The following ERCC6L2 variants were observed in gnomAD, a reference collection of about 807,000 sequenced individuals.
ERCC6L2 encodes the protein ERCC excision repair 6 like 2, also known as DNA excision repair protein ERCC-6-like 2.
A neutral mutation model predicts 132.0 loss-of-function variants in ERCC6L2; 77 were observed. That is an observed-to-expected ratio of 0.58 (90% CI 0.49 to 0.71). The LOEUF (loss-of-function observed/expected upper bound fraction) is 0.71, where lower values mean the gene tolerates loss of function less well. Ranked by LOEUF, ERCC6L2 falls within the 30% of genes least tolerant of loss-of-function variation. ERCC6L2 has a pLI of 0.00. For missense variants in ERCC6L2, 1,542 were observed against 1,837.6 expected (o/e 0.84, Z 2.94); for synonymous variants, 583 against 632.4 (o/e 0.92, Z 1.17).
intron 12 of ERCC6L2, among the ~76,000 whole-genome samples, chr9:95,952,166 TAAAAAAAA>T (rs57310402): frequency 1.7e-5 from 1 of 57,738 alleles, no homozygotes; most frequent in African/African-American, 1.0e-4. Flanking sequence ...GACTCCATCT[TAAAAAAAA>T]AAAAAAAAAA....
At chr9:95,916,171 AAGTT>A (rs1196929759) in intron 5 of ERCC6L2, 52 bp from the exon 6 acceptor site, 1 of 1,479,180 alleles carries the variant, frequency 6.8e-7, no homozygotes, top group East Asian at 2.3e-5. Context: ...TAGAAGCAAG[AAGTT>A]AGTGTTTTTA....
At chr9:95,968,100 T>C (rs1335033112) in intron 14 of ERCC6L2, 1 of 152,160 alleles carries the variant, frequency 6.6e-6, no homozygotes, top group East Asian at 1.9e-4. Context: ...GCCACTGCAC[T>C]CCAGCCTGGG....
At chr9:95,948,039 A>G (rs184377915) in intron 12 of ERCC6L2, among the ~76,000 whole-genome samples, 1 of 152,096 alleles carries the variant, frequency 6.6e-6, no homozygotes, top group Non-Finnish European at 1.5e-5. Flanking sequence ...TTGACTTTGA[A>G]CTCTTATTAT....
chr9:96,000,887 G>C (rs1833646854), intron 17 of ERCC6L2, among the ~76,000 whole-genome samples: 1 of 152,210 alleles, frequency 6.6e-6, no homozygotes. Flanking sequence ...TGGTCTCACT[G>C]ACTTCAAGAA....
intron 12 of ERCC6L2, among the ~76,000 whole-genome samples, chr9:95,951,318 G>A (rs1298744365): frequency 6.6e-6 from 1 of 152,148 alleles, no homozygotes; most frequent in Non-Finnish European, 1.5e-5. Flanking sequence ...GTAATGCTAA[G>A]AGGGAAATTT....
At chr9:96,001,769 G>A (rs1041575939) in intron 17 of ERCC6L2, among the ~76,000 whole-genome samples, 1 of 152,256 alleles carries the variant, frequency 6.6e-6, no homozygotes, top group African/African-American at 2.4e-5. Flanking sequence ...TGGAGCAGGG[G>A]GTGGCGCTCG....
downstream of ERCC6L2, among the ~76,000 whole-genome samples, chr9:96,023,273 CTTTT>C (rs577906922): frequency 5.3e-4 from 81 of 152,262 alleles, 1 homozygote; most frequent in African/African-American, 1.8e-3. Flanking sequence ...AGTTAAATTC[CTTTT>C]TTTATTTCTG....
Position 95,923,483 on chromosome 9 carries a change from A to G in ERCC6L2, c.1533+104A>G, listed in dbSNP as rs1829968600. ...AATCAGAACAGGTGCTCAGTCATTC[A>G]GAAGAGATGGTGGCTATGGACAAGT... On this transcript the variant is annotated intron_variant, in intron 9 of 18. Transcript: ENST00000653738. The G allele has an allele frequency of 6.0e-6, 8 of 1,325,840 alleles. No individual in the cohort carries two copies. The Admixed American group carries it at 1.6e-4, about 27-fold the overall frequency. 82.1% of individuals were successfully genotyped at this position (1,325,840 alleles called of 1,614,324 possible). A position where few individuals can be genotyped will look rare whatever the true frequency, so the allele number is the denominator to read the frequency against.
chr9:96,018,635 ATT>A (rs57092627), downstream of ERCC6L2, among the ~76,000 whole-genome samples: 13,554 of 142,130 alleles, frequency 0.095, 664 homozygotes, highest in Admixed American at 0.14. Context: ...TAATTTTTGC[ATT>A]TTTTTTTTTT....
chr9:96,000,209 A>G (rs1371267606), intron 17 of ERCC6L2, among the ~76,000 whole-genome samples: 1 of 152,168 alleles, frequency 6.6e-6, no homozygotes, highest in African/African-American at 2.4e-5. Flanking sequence ...TTTAAAATAT[A>G]TTTTTAAGGA....
rs12552220 is a variant in ERCC6L2 at position 96,007,721 on chromosome 9, C to T, written c.3674+3020C>T. 4.8e-3 allele frequency among the ~76,000 whole-genome samples: 733 copies of T among 151,952 alleles called. 4 individuals carry two copies. The highest frequency in any genetic ancestry group is 6.4e-3 in the Non-Finnish European group (437 of 67,964). On this transcript the variant is annotated intron_variant, in intron 18 of 18. Coordinates refer to ENST00000653738, the MANE Select transcript of ERCC6L2 (RefSeq NM_020207.7). ...CGGGGGACTCTTGGTTCCAGGGGCA[C>T]GGAGGGATGGCTTGGAAGGGTGAGG...
chr9:96,032,626 C>T (rs1834474235), intron 19 of ERCC6L2, among the ~76,000 whole-genome samples: 1 of 152,176 alleles, frequency 6.6e-6, no homozygotes, highest in African/African-American at 2.4e-5. Context: ...TCCAGAGCCA[C>T]AAAAACTCGA....
intron 2 of ERCC6L2, among the ~76,000 whole-genome samples, chr9:95,888,092 G>A (rs1484689936): frequency 6.8e-6 from 1 of 148,046 alleles, no homozygotes; most frequent in Non-Finnish European, 1.5e-5. Context: ...TTCAAAGCGA[G>A]CAAAAATACT....
intron 4 of ERCC6L2, among the ~76,000 whole-genome samples, chr9:95,915,012 A>G (rs1244356704): frequency 2.0e-5 from 3 of 152,094 alleles, no homozygotes; most frequent in East Asian, 1.9e-4. Context: ...AATATTTTCA[A>G]TTGTAGTCAA....
At position 95,875,878 on chromosome 9, in the gene ERCC6L2, C is replaced by T. The variant is rs1827223469; in HGVS notation, c.-161C>T. 1 of 690,704 alleles carries T rather than the reference C, an allele frequency of 1.4e-6. No individual in the cohort carries two copies. The highest frequency in any genetic ancestry group is 1.8e-5 in the African/African-American group (1 of 56,486). 42.8% of individuals were successfully genotyped at this position (690,704 alleles called of 1,614,324 possible). ...CTTAGTCGCTACCTTTGCTGGGATCCCCCTCCTCCATCCTGTGGCTTCGGG... is the reference window on the plus strand; with the variant it reads ...CTTAGTCGCTACCTTTGCTGGGATCTCCCTCCTCCATCCTGTGGCTTCGGG... On this transcript the variant is annotated 5_prime_UTR_variant, in exon 1 of 19. Coordinates refer to ENST00000653738, the MANE Select transcript of ERCC6L2 (RefSeq NM_020207.7).
At chr9:95,928,244 ATTTTCTCT>A in intron 10 of ERCC6L2, 94 bp downstream of exon 10, 3 of 759,068 alleles carry the variant, frequency 4.0e-6, no homozygotes, top group South Asian at 3.8e-5. Context: ...TTACAGCCAC[ATTTTCTCT>A]TATCTACACA....
chr9:95,875,951 C>T lies in ERCC6L2; in HGVS notation c.-88C>T. The T allele has an allele frequency of 7.0e-7, 1 of 1,432,534 alleles. No homozygotes were observed. Among genetic ancestry groups the T allele is most frequent in the Non-Finnish European group, 9.5e-7 (1 of 1,048,942 alleles). 88.7% of individuals were successfully genotyped at this position (1,432,534 alleles called of 1,614,324 possible). On this transcript the variant is annotated 5_prime_UTR_variant, in exon 1 of 19. Coordinates refer to ENST00000653738, the MANE Select transcript of ERCC6L2 (RefSeq NM_020207.7). ...GGGCGGCCGGAAGTGGCGTTGGCCG[C>T]CATTGGCCTGCCGGCCAGCCACCTT...
At chr9:95,904,480 G>A (rs1229299794) in intron 3 of ERCC6L2, among the ~76,000 whole-genome samples, 1 of 152,066 alleles carries the variant, frequency 6.6e-6, no homozygotes, top group Non-Finnish European at 1.5e-5. Context: ...ATATGTCATG[G>A]TAGTTAAGAG....
intron 18 of ERCC6L2, among the ~76,000 whole-genome samples, chr9:96,009,198 C>T (rs1273010572): frequency 1.3e-5 from 2 of 152,172 alleles, no homozygotes; most frequent in African/African-American, 4.8e-5. Flanking sequence ...CATCTTGAGC[C>T]GTGGGCAGAG....
Sources: gnomAD v4.1 joint callset for allele counts (sites outside exome capture counted in the v4.1 genomes callset) on GRCh38, gnomAD v4.1.1 for gene constraint, MANE v1.5 for transcripts, NCBI Gene and HGNC (gene_info 2026-07-23, HGNC 2026-07-21) for gene names.